SLC41A2: variants seen among roughly 807,000 people sequenced by gnomAD.
The protein encoded by SLC41A2 is SLC41A1-like 1.
A neutral mutation model predicts 58.3 loss-of-function variants in SLC41A2; 32 were observed. That is an observed-to-expected ratio of 0.55 (90% CI 0.41 to 0.74). The LOEUF is 0.74. SLC41A2 is among the 30% of genes least tolerant of loss of function. The pLI is 0.00. For missense variants in SLC41A2, 514 were observed against 680.6 expected (o/e 0.76, Z 2.72); for synonymous variants, 190 against 235.0 (o/e 0.81, Z 1.75).
chr12:104,953,981 A>G (rs1429459647), intron 1 of SLC41A2, among the ~76,000 whole-genome samples: 1 of 152,162 alleles, frequency 6.6e-6, no homozygotes, highest in Non-Finnish European at 1.5e-5. Flanking sequence ...TCTTGGGCAA[A>G]AATGTCTAAA....
In SLC41A2 at chr12:104,889,032, C is replaced by A; in HGVS notation, c.880+1G>T. Reference sequence around the variant, plus strand: ...GAGTAGACATTTATAAATTCACTTACCCTGCAGAAGAGATGCAATGAAGGC... The same window carrying A: ...GAGTAGACATTTATAAATTCACTTAACCTGCAGAAGAGATGCAATGAAGGC... On this transcript the variant is annotated splice_donor_variant, in intron 5 of 10. Transcript: ENST00000258538. LOFTEE classifies it high-confidence loss of function. 1 of 1,567,508 alleles carries A rather than the reference C, an allele frequency of 6.4e-7. No individual in the cohort carries two copies. Among genetic ancestry groups the A allele is most frequent in the Non-Finnish European group, 8.6e-7 (1 of 1,167,040 alleles).
chr12:104,867,117 G>T (rs1385231304), intron 6 of SLC41A2, among the ~76,000 whole-genome samples: 2 of 152,042 alleles, frequency 1.3e-5, no homozygotes, highest in Non-Finnish European at 2.9e-5. Context: ...TGTCCATAGG[G>T]ATCTTATAGT....
At position 104,835,120 on chromosome 12, in the gene SLC41A2, A is replaced by C. The variant is rs187758104; in HGVS notation, c.1536+9352T>G. Reference sequence around the variant, plus strand: ...ATGAAAATAATAGCACCTTAAATGCATCATTTCATCCTTATAACAACCCAC... The same window carrying C: ...ATGAAAATAATAGCACCTTAAATGCCTCATTTCATCCTTATAACAACCCAC... On this transcript the variant is annotated intron_variant, in intron 10 of 10. Coordinates refer to ENST00000258538, the MANE Select transcript of SLC41A2 (RefSeq NM_001352171.3). 8.7e-4 allele frequency among the ~76,000 whole-genome samples: 133 copies of C among 152,374 alleles called. 1 individual carries two copies. Among genetic ancestry groups the C allele is most frequent in the African/African-American group, 3.1e-3 (129 of 41,586 alleles).
intron 4 of SLC41A2, among the ~76,000 whole-genome samples, chr12:104,892,761 A>G (rs983792753): frequency 1.3e-5 from 2 of 152,198 alleles, no homozygotes; most frequent in African/African-American, 4.8e-5. Context: ...AGGAAAAGAC[A>G]GTCTTTTTAA....
intron 2 of SLC41A2, 122 bp downstream of exon 2, chr12:104,927,851 T>G: frequency 1.1e-6 from 1 of 933,340 alleles, no homozygotes; most frequent in Non-Finnish European, 1.5e-6. Flanking sequence ...ATCTGTTCAT[T>G]TTACCAAGGG....
intron 1 of SLC41A2, among the ~76,000 whole-genome samples, chr12:104,946,880 A>T (rs909428893): frequency 6.6e-6 from 1 of 152,236 alleles, no homozygotes; most frequent in African/African-American, 2.4e-5. Context: ...CTTCAGAGTC[A>T]AACTGGCTTA....
chr12:104,873,628 A>G (rs553575298), intron 6 of SLC41A2, among the ~76,000 whole-genome samples: 2 of 152,218 alleles, frequency 1.3e-5, no homozygotes, highest in African/African-American at 4.8e-5. Context: ...AACTGCACCA[A>G]TTTACATTTC....
chr12:104,855,849 C>T (rs78158554), intron 8 of SLC41A2, among the ~76,000 whole-genome samples: 1,900 of 152,228 alleles, frequency 0.012, 53 homozygotes, highest in African/African-American at 0.044. Context: ...CTAACTGACA[C>T]AGGAAACACC....
Position 104,805,087 on chromosome 12 carries a change from A to C in SLC41A2, c.*65T>G, listed in dbSNP as rs979064788. ...AACTACTGATTTAAGAGTTTTGAAA[A>C]AGAGCCATAAGTGGTTGTCGTGTAT... On this transcript the variant is annotated 3_prime_UTR_variant, in exon 11 of 11. Coordinates refer to ENST00000258538, the MANE Select transcript of SLC41A2 (RefSeq NM_001352171.3). The C allele has an allele frequency of 7.4e-7, 1 of 1,357,516 alleles. No homozygotes were observed. The allele number at this position is 1,357,516 out of a possible 1,614,324, so 84.1% of individuals were successfully genotyped here.
intron 10 of SLC41A2, among the ~76,000 whole-genome samples, chr12:104,810,154 G>C (rs1441775780): frequency 6.6e-6 from 1 of 152,082 alleles, no homozygotes; most frequent in African/African-American, 2.4e-5. Context: ...TCAGAGAGTA[G>C]AGTGTTAGGT....
chr12:104,834,095 C>G (rs1281883122), intron 10 of SLC41A2: 28 of 985,396 alleles, frequency 2.8e-5, no homozygotes, highest in Admixed American at 2.5e-4. Context: ...CCTCACCTCA[C>G]AGGAATCAAG....
Position 104,891,334 on chromosome 12 carries a change from AG to A in SLC41A2, c.736-2158del, listed in dbSNP as rs369203195. On this transcript the variant is annotated intron_variant, in intron 4 of 10. Transcript: ENST00000258538. ...CAGTTGCAGGGAGAGAGGATGATAA[AG>A]GAAAAGTGAAGACAAAGAATGGGAG... Among the ~76,000 whole-genome samples, 349 of 152,218 alleles carry A rather than the reference AG, an allele frequency of 2.3e-3. 3 individuals are homozygous for A. The highest frequency in any genetic ancestry group is 8.0e-3 in the African/African-American group (333 of 41,546).
intron 3 of SLC41A2, among the ~76,000 whole-genome samples, chr12:104,903,754 ATCT>A (rs1448164979): frequency 2.0e-5 from 3 of 152,182 alleles, no homozygotes; most frequent in Admixed American, 6.5e-5. Flanking sequence ...TGACTGAACT[ATCT>A]TCTTATCAGT....
intron 10 of SLC41A2, among the ~76,000 whole-genome samples, chr12:104,806,910 T>C (rs1274102269): frequency 4.0e-5 from 6 of 150,672 alleles, no homozygotes; most frequent in Non-Finnish European, 7.4e-5. Flanking sequence ...GTTGATGGGG[T>C]TGTTTGTTTT....
Position 104,804,663 on chromosome 12 carries a change from A to C in SLC41A2, c.*489T>G, listed in dbSNP as rs1344505977. ...CAGTTTAAATATGAGCAACTGGTAA[A>C]TTTATCCTCAGCTAGCATAGAGGTG... On this transcript the variant is annotated 3_prime_UTR_variant, in exon 11 of 11. Transcript: ENST00000258538. The C allele has an allele frequency of 6.5e-6, 1 of 152,678 alleles. No homozygotes were observed. Among genetic ancestry groups the C allele is most frequent in the Non-Finnish European group, 1.5e-5 (1 of 68,194 alleles). 9.5% of individuals were successfully genotyped at this position (152,678 alleles called of 1,614,324 possible).
At chr12:104,924,735 ACTCTGT>A in intron 2 of SLC41A2, among the ~76,000 whole-genome samples, 1 of 150,826 alleles carries the variant, frequency 6.6e-6, no homozygotes. Context: ...CAAGAGTGAA[ACTCTGT>A]CTCAAAAAAA....
At position 104,886,437 on chromosome 12, in the gene SLC41A2, T is replaced by C. The variant is rs761369917; in HGVS notation, c.883A>G (p.Ile295Val). Residue 295 changes from isoleucine (I) to valine (V), a missense_variant and splice_region_variant, in exon 6 of 11, where the codon ATA becomes GTA. By Grantham distance (29) the Ile-to-Val change is conservative. This residue lies in a region of SLC41A2 where 336 missense variants were observed against 430.0 expected (regional missense o/e 0.78). Coordinates refer to ENST00000258538, the MANE Select transcript of SLC41A2 (RefSeq NM_001352171.3). Reference sequence around the variant, plus strand: ...CCAACGATAACCCCAACCATTATTATTCCTAGAAGAAAGAATGTTCATTAC... The same window carrying C: ...CCAACGATAACCCCAACCATTATTACTCCTAGAAGAAAGAATGTTCATTAC... Reference protein sequence around the residue: ...TAFIASLLQGIIMVGVIVGSK... With the variant: ...TAFIASLLQGVIMVGVIVGSK... 5.0e-6 allele frequency: 8 copies of C among 1,611,448 alleles called. No homozygotes were observed. The South Asian group carries it at 5.5e-5, about 11-fold the overall frequency.
At chr12:104,843,524 T>C (rs1229708434) in intron 10 of SLC41A2, among the ~76,000 whole-genome samples, 1 of 152,088 alleles carries the variant, frequency 6.6e-6, no homozygotes, top group African/African-American at 2.4e-5. Flanking sequence ...ATCCTATATA[T>C]GAATTATTTT....
At chr12:104,871,708 A>T (rs2043787589) in intron 6 of SLC41A2, among the ~76,000 whole-genome samples, 1 of 152,226 alleles carries the variant, frequency 6.6e-6, no homozygotes, top group East Asian at 1.9e-4. Flanking sequence ...ATCATTCTGA[A>T]TAACTTCTAA....
Sources: allele counts gnomAD v4.1 joint callset (sites outside exome capture counted in the v4.1 genomes callset), GRCh38; gene constraint gnomAD v4.1.1; regional missense constraint gnomAD v4.1.1; transcripts MANE v1.5; gene names NCBI Gene and HGNC (gene_info 2026-07-23, HGNC 2026-07-21).